RAP1GAP2: variants seen among roughly 807,000 people sequenced by gnomAD.
RAP1GAP2 encodes rap1 GTPase-activating protein 2.
In RAP1GAP2, 27 loss-of-function variants were observed where a neutral mutation model predicts 95.0. The ratio of observed to expected loss-of-function variants is 0.28; its 90% CI spans 0.21 to 0.39. The LOEUF (loss-of-function observed/expected upper bound fraction) is 0.39, where lower values mean the gene tolerates loss of function less well. RAP1GAP2 is among the 10% of genes least tolerant of loss of function. The pLI is 1.00. For missense variants in RAP1GAP2, 771 were observed against 970.0 expected, an observed-to-expected ratio of 0.79 and a Z score of 2.72; for synonymous variants, 373 against 380.9, an observed-to-expected ratio of 0.98 and a Z score of 0.24.
intron 2 of RAP1GAP2, among the ~76,000 whole-genome samples, chr17:2,858,578 A>G (rs1044300489): frequency 6.6e-6 from 1 of 152,112 alleles, no homozygotes; most frequent in African/African-American, 2.4e-5. Flanking sequence ...GTACTAGATC[A>G]TTTCATTCTT....
intron 11 of RAP1GAP2, among the ~76,000 whole-genome samples, chr17:2,989,326 A>G (rs778575351): frequency 6.6e-5 from 10 of 151,996 alleles, no homozygotes; most frequent in Admixed American, 1.3e-4. Flanking sequence ...CTCTTAGGGG[A>G]AATGCCTGTT....
chr17:2,879,935 A>G (rs1278171598), intron 2 of RAP1GAP2, among the ~76,000 whole-genome samples: 3 of 151,922 alleles, frequency 2.0e-5, no homozygotes, highest in Admixed American at 6.6e-5. Context: ...CTCCCAAGAG[A>G]CCGCAGGGTC....
chr17:2,965,580 A>G lies in RAP1GAP2; in HGVS notation c.533A>G (p.Asn178Ser), dbSNP rs2044555658. The G allele has an allele frequency of 6.2e-7, 1 of 1,612,888 alleles. No individual in the cohort carries two copies. Among genetic ancestry groups the G allele is most frequent in the African/African-American group, 1.3e-5 (1 of 74,872 alleles). The change falls in exon 8 of 25, where the codon AAC becomes AGC. Residue 178 changes from asparagine to serine, a missense_variant. Coordinates refer to ENST00000254695, the MANE Select transcript of RAP1GAP2 (RefSeq NM_015085.5). The surrounding 1 kb of genome is among the most constrained non-coding windows in gnomAD (Gnocchi z 4.7). ...NFYCTGSSLG[N>S]LILSVKCEEA... ...TACTGTACCGGCAGCAGCCTGGGGA[A>G]CTTGATCCTGTCCGTCAAGTGCGAG... is the stretch of plus-strand genomic sequence containing the variant.
chr17:2,864,138 G>A (rs2072527749), intron 2 of RAP1GAP2, among the ~76,000 whole-genome samples: 1 of 151,950 alleles, frequency 6.6e-6, no homozygotes, highest in South Asian at 2.1e-4. Flanking sequence ...TCCTGACTGC[G>A]GAGAGTGCAG....
intron 2 of RAP1GAP2, among the ~76,000 whole-genome samples, chr17:2,771,479 C>CTTTTTTGTTTTTT (rs1555540009): frequency 0.027 from 3,588 of 131,602 alleles, 105 homozygotes; most frequent in Non-Finnish European, 0.041. Context: ...ATCAAAGCCA[C>CTTTTTTGTTTTTT]TTTTTTGTTT....
At chr17:2,763,761 G>A (rs1051628267) in intron 1 of RAP1GAP2, among the ~76,000 whole-genome samples, 8 of 150,186 alleles carry the variant, frequency 5.3e-5, no homozygotes, top group African/African-American at 1.7e-4. Flanking sequence ...GATGGGGGTG[G>A]AGAGCGGGAG....
intron 1 of RAP1GAP2, among the ~76,000 whole-genome samples, chr17:2,761,049 G>A (rs575324387): frequency 6.6e-6 from 1 of 151,446 alleles, no homozygotes; most frequent in African/African-American, 2.4e-5. Flanking sequence ...CCGCCTCCGG[G>A]GTTCAAGCGA....
At chr17:2,894,304 C>A (rs1051971750) in intron 2 of RAP1GAP2, among the ~76,000 whole-genome samples, 2 of 152,176 alleles carry the variant, frequency 1.3e-5, no homozygotes, top group South Asian at 2.1e-4. Context: ...GTGGTAGGCA[C>A]CTGTAGTCCC....
chr17:2,917,789 C>T (rs2042618199), intron 3 of RAP1GAP2, among the ~76,000 whole-genome samples: 1 of 152,078 alleles, frequency 6.6e-6, no homozygotes, highest in Non-Finnish European at 1.5e-5. Context: ...GATCTTGGCT[C>T]ACCGCAACCT....
chr17:2,861,559 C>G (rs2072391715), intron 2 of RAP1GAP2, among the ~76,000 whole-genome samples: 2 of 151,020 alleles, frequency 1.3e-5, no homozygotes, highest in Non-Finnish European at 2.9e-5. Flanking sequence ...CCTCTGCCTT[C>G]CAGGTTCAAG....
Position 2,797,870 on chromosome 17 carries a change from G to A in RAP1GAP2, c.44+1299G>A. ...TCTTGGCTGTGGGCCTTGCAGGGCA[G>A]GGCCCAGCAATTAGATTGTGCCCTC... On this transcript the variant is annotated intron_variant, in intron 1 of 24. Transcript: ENST00000254695. The surrounding 1 kb of genome is among the most constrained non-coding windows in gnomAD (Gnocchi z 5.6). The A allele has an allele frequency of 1.1e-5, 9 of 805,176 alleles. No individual in the cohort carries two copies. The highest frequency in any genetic ancestry group is 1.2e-5 in the Non-Finnish European group (8 of 665,770). The allele number at this position is 805,176 out of a possible 1,614,324, so 49.9% of individuals were successfully genotyped here.
At chr17:2,881,548 C>T (rs919210832) in intron 2 of RAP1GAP2, among the ~76,000 whole-genome samples, 5 of 152,126 alleles carry the variant, frequency 3.3e-5, no homozygotes, top group Non-Finnish European at 7.3e-5. Context: ...TCCACTCATT[C>T]GTTCATGGAC....
rs765286915 is a variant in RAP1GAP2, at chr17:3,026,002, C to G, written c.1752-6C>G. 6.2e-7 allele frequency: 1 copy of G among 1,604,606 alleles called. No homozygotes were observed. Among genetic ancestry groups the G allele is most frequent in the Admixed American group, 1.7e-5 (1 of 59,950 alleles). ...GCGGCCTCACTCCTCATTTCCATTC[C>G]CTCAGTGACAGCACATCCAGCACAC... On this transcript the variant is annotated splice_region_variant and splice_polypyrimidine_tract_variant and intron_variant, in intron 19 of 24. Coordinates refer to ENST00000254695, the MANE Select transcript of RAP1GAP2 (RefSeq NM_015085.5).
intron 4 of RAP1GAP2, among the ~76,000 whole-genome samples, chr17:2,961,581 C>G (rs1235378074): frequency 6.6e-6 from 1 of 152,258 alleles, no homozygotes; most frequent in Non-Finnish European, 1.5e-5. Context: ...GTGAATTCTT[C>G]AGATACCTGT....
intron 17 of RAP1GAP2, among the ~76,000 whole-genome samples, chr17:3,012,482 GTGGTGCACACCTGTAATCCCA>G (rs1285323575): frequency 6.6e-6 from 1 of 151,682 alleles, no homozygotes; most frequent in African/African-American, 2.4e-5. Flanking sequence ...GATGGGCGTG[GTGGTGCACACCTGTAATCCCA>G]GCTACTTGGG....
intron 1 of RAP1GAP2, among the ~76,000 whole-genome samples, chr17:2,767,611 A>AT (rs1363631830): frequency 1.3e-5 from 2 of 151,622 alleles, no homozygotes; most frequent in South Asian, 2.1e-4. Context: ...CCTGCACTTG[A>AT]TTTTTTCCTC....
intron 3 of RAP1GAP2, among the ~76,000 whole-genome samples, chr17:2,942,987 T>C (rs973506210): frequency 1.4e-4 from 21 of 152,166 alleles, no homozygotes; most frequent in Middle Eastern, 3.4e-3. Flanking sequence ...CAGGCTGGTC[T>C]TGAACTCCTG....
At chr17:2,781,667 G>T (rs1447337341) in intron 1 of RAP1GAP2, among the ~76,000 whole-genome samples, 37 of 80,868 alleles carry the variant, frequency 4.6e-4, no homozygotes, top group African/African-American at 1.4e-3. Context: ...TCTCTGTGTG[G>T]GCACGTCTCT....
At position 2,825,668 on chromosome 17, in the gene RAP1GAP2, A is replaced by G. The variant is rs536481112; in HGVS notation, c.80+25118A>G. ...TCTCACAGGGATGTTTGAGGATGAA[A>G]TGAGCTAACATAGGAAAAGCACTTA... On this transcript the variant is annotated intron_variant, in intron 2 of 24. Coordinates refer to ENST00000254695, the MANE Select transcript of RAP1GAP2 (RefSeq NM_015085.5). This position sits in a 1 kb window ranked among gnomAD's most constrained non-coding sequence, Gnocchi z 4.1. Among the ~76,000 whole-genome samples the G allele has an allele frequency of 1.5e-3, 225 of 152,200 alleles. 1 individual carries two copies. Among genetic ancestry groups the G allele is most frequent in the African/African-American group, 3.5e-3 (147 of 41,560 alleles).
Sources: gnomAD v4.1 joint callset for allele counts (sites outside exome capture counted in the v4.1 genomes callset) on GRCh38, gnomAD v4.1.1 for gene constraint, Gnocchi (gnomAD v3.1) non-coding constraint, MANE v1.5 for transcripts, NCBI Gene and HGNC (gene_info 2026-07-23, HGNC 2026-07-21) for gene names.